Variants in PARVA observed in about 807,000 individuals in gnomAD.
The protein encoded by PARVA is alpha-parvin.
Under a neutral mutation model 52.6 loss-of-function variants are expected in PARVA, and 25 were observed. The ratio of observed to expected loss-of-function variants is 0.48; its 90% confidence interval spans 0.35 to 0.66. The LOEUF (loss-of-function observed/expected upper bound fraction) is 0.66. Ranked by LOEUF, PARVA falls within the 30% of genes least tolerant of loss-of-function variation. The probability of loss-of-function intolerance (pLI) is 0.01; values close to 1 mark genes in which losing one functional copy is unlikely to be tolerated. For synonymous variants in PARVA, 185 were observed against 179.1 expected (o/e 1.03, Z -0.26); for missense variants, 373 against 450.9 (o/e 0.83, Z 1.56).
chr11:12,416,347 T>A (rs1439949461), intron 1 of PARVA, among the ~76,000 whole-genome samples: 1 of 152,112 alleles, frequency 6.6e-6, no homozygotes, highest in African/African-American at 2.4e-5. Flanking sequence ...ATTCAAACTG[T>A]CCCTAGCGGT....
At chr11:12,416,873 G>A (rs1004328209) in intron 1 of PARVA, among the ~76,000 whole-genome samples, 3 of 152,122 alleles carry the variant, frequency 2.0e-5, no homozygotes, top group African/African-American at 4.8e-5. Context: ...GGGTCGTTAA[G>A]TCTAATTTTG....
At chr11:12,382,876 A>G (rs1939512991) in intron 1 of PARVA, among the ~76,000 whole-genome samples, 2 of 152,268 alleles carry the variant, frequency 1.3e-5, no homozygotes, top group Non-Finnish European at 2.9e-5. Flanking sequence ...TCGAGAATGT[A>G]AAATGCATTG....
chr11:12,495,324 A>G (rs1941286214), intron 4 of PARVA, among the ~76,000 whole-genome samples: 1 of 152,242 alleles, frequency 6.6e-6, no homozygotes, highest in Non-Finnish European at 1.5e-5. Context: ...TCTTCAAAGA[A>G]TGACTCAAGG....
intron 4 of PARVA, among the ~76,000 whole-genome samples, chr11:12,495,241 T>C (rs866685785): frequency 6.6e-6 from 1 of 152,196 alleles, no homozygotes; most frequent in African/African-American, 2.4e-5. Flanking sequence ...TAGCTTGAGA[T>C]TGTCCTACTG....
intron 1 of PARVA, among the ~76,000 whole-genome samples, chr11:12,456,556 G>T (rs1027859241): frequency 7.9e-5 from 12 of 151,920 alleles, no homozygotes; most frequent in Non-Finnish European, 1.6e-4. Flanking sequence ...ACTCATACTT[G>T]GTATGTTCTG....
intron 1 of PARVA, among the ~76,000 whole-genome samples, chr11:12,392,116 A>G (rs1293840145): frequency 6.6e-6 from 1 of 151,948 alleles, no homozygotes; most frequent in African/African-American, 2.4e-5. Flanking sequence ...AATATATATT[A>G]TTATAATAAT....
chr11:12,532,930 G>A lies in PARVA; in HGVS notation c.*5005G>A, dbSNP rs1941790156. 6.6e-6 allele frequency among the ~76,000 whole-genome samples: 1 copy of A among 152,214 alleles called. No homozygotes were observed. The highest frequency in any genetic ancestry group is 2.4e-5 in the African/African-American group (1 of 41,464). ...CATCTACCTTTTTAAATGTCCCACT[G>A]TGTAGGAAAACTCTGGGGAAAGCTA... On this transcript the variant is annotated 3_prime_UTR_variant, in exon 13 of 13. Coordinates refer to ENST00000334956, the MANE Select transcript of PARVA (RefSeq NM_018222.5).
At position 12,517,467 on chromosome 11, in the gene PARVA, G is replaced by A. The variant is rs371903330; in HGVS notation, c.868-143G>A. 175 of 651,884 alleles carry A rather than the reference G, an allele frequency of 2.7e-4. 1 individual carries two copies. The highest frequency in any genetic ancestry group is 2.6e-3 in the African/African-American group (146 of 55,898). The allele number at this position is 651,884 out of a possible 1,614,324, so 40.4% of individuals were successfully genotyped here. On this transcript the variant is annotated intron_variant, in intron 10 of 12. Coordinates refer to ENST00000334956, the MANE Select transcript of PARVA (RefSeq NM_018222.5). ...GGGGCAGAGCAGACCTCCTTGTCTC[G>A]GGCCACTGCCCCTACCCCCGAGCTA...
At chr11:12,458,365 T>C (rs1467955990) in intron 1 of PARVA, among the ~76,000 whole-genome samples, 4 of 152,196 alleles carry the variant, frequency 2.6e-5, no homozygotes, top group Non-Finnish European at 4.4e-5. Flanking sequence ...AGACCAGACC[T>C]GAGCCAGGCT....
Position 12,385,437 on chromosome 11 carries a change from A to G in PARVA, c.136+7654A>G, listed in dbSNP as rs998116307. On this transcript the variant is annotated intron_variant, in intron 1 of 12. Transcript: ENST00000334956. ...GGAGTGAGGGTCAAATTCTGGATAT[A>G]TTTTTAAAATACAGCAGATCTTGAT... is the stretch of plus-strand genomic sequence containing the variant. Among the ~76,000 whole-genome samples the G allele has an allele frequency of 6.6e-5, 10 of 152,304 alleles. No homozygotes were observed. In the South Asian group the frequency reaches 1.4e-3, roughly 22 times the overall value.
intron 1 of PARVA, among the ~76,000 whole-genome samples, chr11:12,383,261 T>A (rs1418938359): frequency 6.6e-6 from 1 of 152,142 alleles, no homozygotes; most frequent in Non-Finnish European, 1.5e-5. Flanking sequence ...CCTTTCAGAG[T>A]CTACTTGCCA....
intron 1 of PARVA, among the ~76,000 whole-genome samples, chr11:12,450,330 T>C (rs1410337178): frequency 1.3e-5 from 2 of 152,342 alleles, no homozygotes; most frequent in Non-Finnish European, 1.5e-5. Flanking sequence ...TTTGCTTGTA[T>C]TTATTAATTT....
chr11:12,483,797 T>C (rs1273120385), intron 4 of PARVA, among the ~76,000 whole-genome samples: 1 of 152,168 alleles, frequency 6.6e-6, no homozygotes, highest in East Asian at 1.9e-4. Context: ...CAATAAAATA[T>C]TAGCTGCCAG....
intron 1 of PARVA, among the ~76,000 whole-genome samples, chr11:12,447,236 G>T (rs1245047133): frequency 1.3e-5 from 2 of 152,010 alleles, no homozygotes; most frequent in Non-Finnish European, 2.9e-5. Flanking sequence ...TATTTTTTTT[G>T]GTGGTATTTT....
intron 1 of PARVA, among the ~76,000 whole-genome samples, chr11:12,418,382 G>T (rs937305604): frequency 6.6e-6 from 1 of 152,184 alleles, no homozygotes; most frequent in African/African-American, 2.4e-5. Flanking sequence ...CTTGAGGGCC[G>T]TAGTGGTGAC....
intron 4 of PARVA, among the ~76,000 whole-genome samples, chr11:12,491,261 C>T (rs971135996): frequency 1.3e-5 from 2 of 152,158 alleles, no homozygotes; most frequent in Admixed American, 6.5e-5. Flanking sequence ...CTCCCAGGCT[C>T]AAAAGAAATC....
At position 12,531,770 on chromosome 11, in the gene PARVA, T is replaced by C. The variant is rs1941774744; in HGVS notation, c.*3845T>C. ...TCCCCCAAAAATTTGCTTAACTCTA[T>C]TGGAAAATCCAAGAGAATTGCTGCA... On this transcript the variant is annotated 3_prime_UTR_variant, in exon 13 of 13. Coordinates refer to ENST00000334956, the MANE Select transcript of PARVA (RefSeq NM_018222.5). 6.6e-6 allele frequency among the ~76,000 whole-genome samples: 1 copy of C among 151,958 alleles called. No individual in the cohort carries two copies. Among genetic ancestry groups the C allele is most frequent in the East Asian group, 1.9e-4 (1 of 5,192 alleles).
Position 12,532,341 on chromosome 11 carries a change from G to A in PARVA, c.*4416G>A, listed in dbSNP as rs1038127560. On this transcript the variant is annotated 3_prime_UTR_variant, in exon 13 of 13. Transcript: ENST00000334956. ...TACTGACGCTTTTTGTTTTCTAGTT[G>A]GAGCGCACCTCAGAGTCCCCTACAT... Among the ~76,000 whole-genome samples the A allele has an allele frequency of 6.6e-6, 1 of 152,158 alleles. No individual in the cohort carries two copies. The highest frequency in any genetic ancestry group is 1.5e-5 in the Non-Finnish European group (1 of 68,026).
chr11:12,447,723 A>T (rs960345801), intron 1 of PARVA, among the ~76,000 whole-genome samples: 10 of 152,216 alleles, frequency 6.6e-5, no homozygotes, highest in Non-Finnish European at 1.3e-4. Flanking sequence ...CTGAAGGTAG[A>T]TGCCCAATAT....
Sources: gnomAD v4.1 joint callset for allele counts (sites outside exome capture counted in the v4.1 genomes callset) on GRCh38, gnomAD v4.1.1 for gene constraint, MANE v1.5 for transcripts, NCBI Gene and HGNC (gene_info 2026-07-23, HGNC 2026-07-21) for gene names.